Variants in OSBP2 observed in about 807,000 individuals in gnomAD.
The protein encoded by OSBP2 is oxysterol-binding protein 2.
Under a neutral mutation model 96.0 loss-of-function variants are expected in OSBP2, and 66 were observed. The ratio of observed to expected loss-of-function variants is 0.69; its 90% confidence interval spans 0.56 to 0.84. The LOEUF (loss-of-function observed/expected upper bound fraction) is 0.84, where lower values mean the gene tolerates loss of function less well. Among genes scored for constraint, OSBP2 ranks in the 40% least tolerant of loss-of-function variants. The probability of loss-of-function intolerance (pLI) is 0.00; values close to 1 mark genes in which losing one functional copy is unlikely to be tolerated. For missense variants in OSBP2, 1,038 were observed against 1,222.7 expected (o/e 0.85, Z 2.25); for synonymous variants, 525 against 520.9 (o/e 1.01, Z -0.11).
At chr22:30,848,225 G>T (rs1425970658) in intron 2 of OSBP2, among the ~76,000 whole-genome samples, 1 of 152,038 alleles carries the variant, frequency 6.6e-6, no homozygotes, top group Non-Finnish European at 1.5e-5. Context: ...AGTGCTTTTA[G>T]GATGTTTCAT....
intron 1 of OSBP2, among the ~76,000 whole-genome samples, chr22:30,733,416 A>G (rs1451888143): frequency 6.6e-6 from 1 of 152,174 alleles, no homozygotes; most frequent in Non-Finnish European, 1.5e-5. Flanking sequence ...AATGAAGAGC[A>G]TTTCCTGGCC....
chr22:30,778,836 G>A (rs541894860), intron 2 of OSBP2, among the ~76,000 whole-genome samples: 11 of 152,058 alleles, frequency 7.2e-5, no homozygotes, highest in African/African-American at 2.7e-4. Context: ...AGGAGTTCAA[G>A]AGCAGCCTGG....
In OSBP2 at chr22:30,893,793, C is replaced by T. The variant is rs773180367; in HGVS notation, c.2191-24C>T. The T allele has an allele frequency of 1.2e-5, 20 of 1,603,504 alleles. No individual in the cohort carries two copies. In the African/African-American group the frequency reaches 1.5e-4, roughly 12 times the overall value. The stretch of plus-strand genomic sequence containing the variant: ...GGGCCCAGGGCAGAGTCTGCACCTA[C>T]GCTGGTCCTGCCAATGTCCACAGGT... On this transcript the variant is annotated intron_variant, in intron 11 of 13. Coordinates refer to ENST00000332585, the MANE Select transcript of OSBP2 (RefSeq NM_030758.4).
intron 1 of OSBP2, among the ~76,000 whole-genome samples, chr22:30,733,055 C>T (rs1422415952): frequency 6.6e-6 from 1 of 152,202 alleles, no homozygotes; most frequent in Non-Finnish European, 1.5e-5. Flanking sequence ...CCAAAAAGCA[C>T]TTCCGTTTCA....
rs1002610351 is a variant in OSBP2 at position 30,724,955 on chromosome 22, C to T, written c.645-16206C>T. ...TTGGGAGGCCGAGGCGGGTGGATCA[C>T]GAGGTCAGGAGATCGAGACCATCCT... On this transcript the variant is annotated intron_variant, in intron 1 of 13. Coordinates refer to ENST00000332585, the MANE Select transcript of OSBP2 (RefSeq NM_030758.4). Among the ~76,000 whole-genome samples the T allele has an allele frequency of 4.0e-5, 6 of 151,626 alleles. No homozygotes were observed. In the East Asian group the frequency reaches 5.9e-4, roughly 15 times the overall value.
chr22:30,700,360 A>G (rs1003104948), intron 1 of OSBP2, among the ~76,000 whole-genome samples: 1 of 151,812 alleles, frequency 6.6e-6, no homozygotes, highest in African/African-American at 2.4e-5. Context: ...TTTTTGTTCA[A>G]TGTTGGCTTT....
intron 1 of OSBP2, among the ~76,000 whole-genome samples, chr22:30,738,270 A>G (rs767944572): frequency 6.6e-6 from 1 of 151,936 alleles, no homozygotes; most frequent in Non-Finnish European, 1.5e-5. Flanking sequence ...AACACTGCCC[A>G]TCCCCCTCTT....
intron 2 of OSBP2, among the ~76,000 whole-genome samples, chr22:30,784,210 T>G (rs2090556616): frequency 6.6e-6 from 1 of 150,938 alleles, no homozygotes; most frequent in Admixed American, 6.6e-5. Context: ...TCAAATCACT[T>G]GGAAAAGAAG....
At chr22:30,787,389 G>A (rs1451523085) in intron 2 of OSBP2, among the ~76,000 whole-genome samples, 1 of 151,946 alleles carries the variant, frequency 6.6e-6, no homozygotes, top group Non-Finnish European at 1.5e-5. Context: ...TAGAATGGTC[G>A]GGGCCGGATG....
rs529074616 is a variant in OSBP2, at chr22:30,866,045, C to T, written c.854-4384C>T. ...GTAAATCAGACCGTAATGATCAGTG[C>T]GAGTGAGAATGTGGCACAGTGTGCA... On this transcript the variant is annotated intron_variant, in intron 2 of 13. Transcript: ENST00000332585. Among the ~76,000 whole-genome samples the T allele has an allele frequency of 4.6e-5, 7 of 152,266 alleles. No homozygotes were observed. In the South Asian group the frequency reaches 1.0e-3, roughly 23 times the overall value.
rs768256438 is a variant in OSBP2 at position 30,905,933 on chromosome 22, C to G, written c.2472C>G (p.Pro824=). ...GVAPTDSRLR[P]DQRLMEKGRW... ...CGCCAACCGACAGCCGCCTGCGGCCCGACCAGCGGCTGATGGAGAAGGGCC... is the reference window on the plus strand; with the variant it reads ...CGCCAACCGACAGCCGCCTGCGGCCGGACCAGCGGCTGATGGAGAAGGGCC... Residue 824 remains proline, a synonymous_variant, in exon 13 of 14, where the codon CCC becomes CCG. Coordinates refer to ENST00000332585, the MANE Select transcript of OSBP2 (RefSeq NM_030758.4). 1.1e-4 allele frequency: 173 copies of G among 1,612,598 alleles called. No homozygotes were observed. The highest frequency in any genetic ancestry group is 1.8e-4 in the Admixed American group (11 of 59,930).
chr22:30,696,593 C>T (rs534764426), intron 1 of OSBP2, among the ~76,000 whole-genome samples: 1 of 152,298 alleles, frequency 6.6e-6, no homozygotes, highest in African/African-American at 2.4e-5. Flanking sequence ...ATTCAGGTCA[C>T]TTCACTCACT....
chr22:30,781,223 C>A (rs978693079), intron 2 of OSBP2, among the ~76,000 whole-genome samples: 5 of 151,310 alleles, frequency 3.3e-5, no homozygotes, highest in Non-Finnish European at 5.9e-5. Flanking sequence ...CTCAGGTGAT[C>A]CACCCACCTC....
intron 3 of OSBP2, among the ~76,000 whole-genome samples, chr22:30,883,526 C>A (rs1250158655): frequency 6.6e-6 from 1 of 152,222 alleles, no homozygotes; most frequent in African/African-American, 2.4e-5. Flanking sequence ...GGAACCAAGA[C>A]TAACTTGACA....
chr22:30,857,293 G>A (rs1342387641), intron 2 of OSBP2, among the ~76,000 whole-genome samples: 1 of 152,216 alleles, frequency 6.6e-6, no homozygotes, highest in East Asian at 1.9e-4. Flanking sequence ...CTTGTTTACA[G>A]AGAAATGTGG....
chr22:30,837,146 C>A (rs2038652016), intron 2 of OSBP2, among the ~76,000 whole-genome samples: 1 of 151,730 alleles, frequency 6.6e-6, no homozygotes, highest in Admixed American at 6.6e-5. Flanking sequence ...CCTGTAATCC[C>A]AGCTACTAGG....
chr22:30,797,313 C>T (rs781189656), intron 2 of OSBP2, among the ~76,000 whole-genome samples: 5 of 152,072 alleles, frequency 3.3e-5, no homozygotes, highest in Non-Finnish European at 7.4e-5. Flanking sequence ...ACAAAGTCTC[C>T]GCCCTGTCAC....
chr22:30,873,863 C>T (rs919059241), intron 3 of OSBP2, among the ~76,000 whole-genome samples: 6 of 152,182 alleles, frequency 3.9e-5, no homozygotes, highest in African/African-American at 9.7e-5. Context: ...CAGCTCTCTT[C>T]CTACAGGGAC....
Position 30,893,915 on chromosome 22 carries a change from TCCCAGCAGC to T in OSBP2, c.2296_2304del (p.Pro767_Ser769del). 1 of 1,592,750 alleles carries T rather than the reference TCCCAGCAGC, an allele frequency of 6.3e-7. No individual in the cohort carries two copies. Among genetic ancestry groups the T allele is most frequent in the Non-Finnish European group, 8.5e-7 (1 of 1,169,740 alleles). On this transcript the variant is annotated inframe_deletion, in exon 12 of 14. Coordinates refer to ENST00000332585, the MANE Select transcript of OSBP2 (RefSeq NM_030758.4). Reference sequence around the variant, plus strand: ...AGTGCTCCAAGGTCATGCATAGCAGTCCCAGCAGCCCCAGCTCTGACGGGAAGCAGAAGA... The same window carrying T: ...AGTGCTCCAAGGTCATGCATAGCAGTCCCAGCTCTGACGGGAAGCAGAAGA...
Sources: gnomAD v4.1 joint callset for allele counts (sites outside exome capture counted in the v4.1 genomes callset) on GRCh38, gnomAD v4.1.1 for gene constraint, MANE v1.5 for transcripts, NCBI Gene and HGNC (gene_info 2026-07-23, HGNC 2026-07-21) for gene names.